VRK2: variants seen among roughly 807,000 people sequenced by gnomAD.
The protein encoded by VRK2 is serine/threonine-protein kinase VRK2.
In VRK2, 60 loss-of-function variants were observed where a neutral mutation model predicts 57.6. That is an observed-to-expected ratio of 1.04 (90% confidence interval 0.85 to 1.29). The LOEUF (loss-of-function observed/expected upper bound fraction) is 1.29, where lower values mean the gene tolerates loss of function less well. Ranked by LOEUF, VRK2 falls within the 50% of genes most tolerant of loss-of-function variation. VRK2 has a pLI of 0.00. For missense variants in VRK2, 705 were observed against 588.1 expected, an observed-to-expected ratio of 1.20 and a Z score of -2.06; for synonymous variants, 231 against 199.2, an observed-to-expected ratio of 1.16 and a Z score of -1.35.
At chr2:58,145,243 T>C (rs1013950049) in intron 11 of VRK2, among the ~76,000 whole-genome samples, 1 of 152,024 alleles carries the variant, frequency 6.6e-6, no homozygotes, top group Non-Finnish European at 1.5e-5. Flanking sequence ...GATATCATCA[T>C]GGTGTGAAAA....
chr2:58,148,409 AT>A (rs1342562089), intron 12 of VRK2, among the ~76,000 whole-genome samples: 11 of 151,858 alleles, frequency 7.2e-5, no homozygotes. Context: ...TCCTTATCAG[AT>A]ATCTGTATTA....
At chr2:58,140,000 C>T (rs535629260) in intron 11 of VRK2, among the ~76,000 whole-genome samples, 168 bp downstream of exon 11, 1 of 152,158 alleles carries the variant, frequency 6.6e-6, no homozygotes, top group Non-Finnish European at 1.5e-5. Context: ...GTTCTTTTGA[C>T]CTGTTGTCTC....
chr2:58,102,381 T>C (rs989115255), intron 7 of VRK2, among the ~76,000 whole-genome samples: 13 of 150,606 alleles, frequency 8.6e-5, no homozygotes, highest in South Asian at 2.1e-4. Flanking sequence ...AAGACACTTA[T>C]AGATTGAAGG....
chr2:57,944,823 C>CG lies in VRK2; in HGVS notation c.-439+36984_-439+36985insG, dbSNP rs569632648. On this transcript the variant is annotated intron_variant, in intron 1 of 15. Transcript: ENST00000417641. ...CAAAAAAAAGTCATCCCCCTTGTTCCCTTTTTTTCAAGAAGATGAAGAAAG... is the reference window on the plus strand; with the variant it reads ...CAAAAAAAAGTCATCCCCCTTGTTCCGCTTTTTTTCAAGAAGATGAAGAAAG... Among the ~76,000 whole-genome samples the CG allele has an allele frequency of 4.9e-3, 620 of 126,110 alleles. 5 individuals are homozygous for CG. The highest frequency in any genetic ancestry group is 0.027 in the African/African-American group (587 of 21,640). 82.7% of individuals were successfully genotyped at this position (126,110 alleles called of 152,430 possible).
chr2:58,065,896 T>A (rs72810328), intron 2 of VRK2, among the ~76,000 whole-genome samples: 1 of 152,126 alleles, frequency 6.6e-6, no homozygotes, highest in Non-Finnish European at 1.5e-5. Context: ...AATTTTAGTT[T>A]CCATTTGTAC....
At chr2:57,988,230 C>T (rs1672658849) in intron 1 of VRK2, among the ~76,000 whole-genome samples, 1 of 152,150 alleles carries the variant, frequency 6.6e-6, no homozygotes, top group African/African-American at 2.4e-5. Context: ...TTTTCTCTTC[C>T]ATTTTCTCTT....
intron 2 of VRK2, among the ~76,000 whole-genome samples, chr2:58,068,523 A>G (rs923810961): frequency 6.6e-6 from 1 of 152,042 alleles, no homozygotes; most frequent in Non-Finnish European, 1.5e-5. Context: ...GGTTTATCCT[A>G]TTGGGGGTTC....
Position 58,123,096 on chromosome 2 carries a change from T to G in VRK2, c.544-5T>G. The G allele has an allele frequency of 6.3e-7, 1 of 1,596,716 alleles. No homozygotes were observed. Among genetic ancestry groups the G allele is most frequent in the South Asian group, 1.1e-5 (1 of 87,274 alleles). ...ATTATTCATTTGTCTGTGCTTGTCT[T>G]CCAGGTTTATCTTGCAGATTATGGA... On this transcript the variant is annotated splice_region_variant and splice_polypyrimidine_tract_variant and intron_variant, in intron 7 of 12. Transcript: ENST00000340157.
At chr2:58,046,423 G>T (rs1054761219), upstream of VRK2, 2 of 927,226 alleles carry the variant, frequency 2.2e-6, no homozygotes, top group African/African-American at 3.6e-5. Flanking sequence ...TGCTCGGCGA[G>T]AGCTCGGTAA....
intron 1 of VRK2, among the ~76,000 whole-genome samples, chr2:57,961,968 T>C (rs528121086): frequency 6.6e-6 from 1 of 152,240 alleles, no homozygotes; most frequent in Admixed American, 6.5e-5. Flanking sequence ...TCCCAGCTGC[T>C]TGGGAGGCTG....
At chr2:57,937,285 G>C (rs949279685) in intron 1 of VRK2, among the ~76,000 whole-genome samples, 2 of 152,106 alleles carry the variant, frequency 1.3e-5, no homozygotes, top group African/African-American at 4.8e-5. Context: ...GGGTTCATAA[G>C]AAAAATACTA....
chr2:57,969,097 G>A (rs1448443738), intron 1 of VRK2, among the ~76,000 whole-genome samples: 1 of 151,992 alleles, frequency 6.6e-6, no homozygotes, highest in African/African-American at 2.4e-5. Flanking sequence ...AGTCACAGAT[G>A]GGGAAATGCT....
upstream of VRK2, among the ~76,000 whole-genome samples, chr2:58,042,077 T>C (rs1177208847): frequency 6.6e-6 from 1 of 152,194 alleles, no homozygotes; most frequent in Non-Finnish European, 1.5e-5. Context: ...ATCCCGGGCA[T>C]GTCCTTAACC....
intron 7 of VRK2, among the ~76,000 whole-genome samples, chr2:58,116,929 C>T (rs569929237): frequency 2.0e-5 from 3 of 152,172 alleles, no homozygotes; most frequent in South Asian, 4.2e-4. Context: ...GCGGTTCAGG[C>T]GTTTGGAAGT....
chr2:57,940,873 G>C (rs574086760), intron 1 of VRK2, among the ~76,000 whole-genome samples: 2 of 151,346 alleles, frequency 1.3e-5, no homozygotes, highest in South Asian at 4.2e-4. Context: ...GAACTCATCT[G>C]CATCCTGCTC....
At chr2:58,022,575 G>A (rs538647914) in intron 1 of VRK2, among the ~76,000 whole-genome samples, 1 of 152,272 alleles carries the variant, frequency 6.6e-6, no homozygotes, top group Admixed American at 6.5e-5. Flanking sequence ...AATATGAGAG[G>A]TAAGAAATTC....
chr2:57,953,604 A>T (rs1474299790), intron 1 of VRK2, among the ~76,000 whole-genome samples: 1 of 152,198 alleles, frequency 6.6e-6, no homozygotes, highest in Admixed American at 6.5e-5. Flanking sequence ...CATCTTTTAC[A>T]TACAGTCATT....
intron 1 of VRK2, among the ~76,000 whole-genome samples, chr2:57,970,037 G>A (rs1415493677): frequency 6.6e-6 from 1 of 151,422 alleles, no homozygotes; most frequent in East Asian, 1.9e-4. Context: ...TTAGGTTTGA[G>A]TATGGGAGGG....
chr2:58,079,535 A>G (rs545426636), intron 2 of VRK2, among the ~76,000 whole-genome samples: 47 of 152,110 alleles, frequency 3.1e-4, no homozygotes, highest in African/African-American at 1.1e-3. Context: ...AGCTGCAGGA[A>G]AGAGCTGTAT....
Sources: allele counts gnomAD v4.1 joint callset (sites outside exome capture counted in the v4.1 genomes callset), GRCh38; gene constraint gnomAD v4.1.1; transcripts MANE v1.5; gene names NCBI Gene and HGNC (gene_info 2026-07-23, HGNC 2026-07-21).